The following C1orf21 variants were observed in gnomAD, a reference collection of about 807,000 sequenced individuals.
C1orf21 encodes uncharacterized protein C1orf21.
In C1orf21, 3 loss-of-function variants were observed where a neutral mutation model predicts 18.7. That is an observed-to-expected ratio of 0.16 (90% confidence interval 0.07 to 0.42). The LOEUF (loss-of-function observed/expected upper bound fraction) is 0.42, where lower values mean the gene tolerates loss of function less well. C1orf21 is among the 10% of genes least tolerant of loss of function. C1orf21 has a pLI of 0.99. For missense variants in C1orf21, 104 were observed against 143.6 expected, an observed-to-expected ratio of 0.72 and a Z score of 1.41; for synonymous variants, 41 against 46.4, an observed-to-expected ratio of 0.88 and a Z score of 0.47.
In C1orf21 at chr1:184,410,654, TATATATATA is replaced by T. The variant is rs1242675771; in HGVS notation, c.-125+23287_-125+23295del. Among the ~76,000 whole-genome samples, 66 of 7,536 alleles carry T rather than the reference TATATATATA, an allele frequency of 8.8e-3. 5 individuals are homozygous for T. Among genetic ancestry groups the T allele is most frequent in the Non-Finnish European group, 0.011 (56 of 5,252 alleles). 4.9% of individuals were successfully genotyped at this position (7,536 alleles called of 152,430 possible). A position where few individuals can be genotyped will look rare whatever the true frequency, so the allele number is the denominator to read the frequency against. On this transcript the variant is annotated intron_variant, in intron 1 of 5. Coordinates refer to ENST00000235307, the MANE Select transcript of C1orf21 (RefSeq NM_030806.4). ...ATATATATATATATATATATATATATATATATATATTTTTTTTTTTTTTTTTTGAGATGG... is the reference window on the plus strand; with the variant it reads ...ATATATATATATATATATATATATATTTTTTTTTTTTTTTTTTTGAGATGG...
intron 3 of C1orf21, among the ~76,000 whole-genome samples, chr1:184,536,617 A>G (rs1380771298): frequency 6.6e-6 from 1 of 152,182 alleles, no homozygotes; most frequent in African/African-American, 2.4e-5. Context: ...TCCGAGGACA[A>G]CTAGTAGGTG....
rs1360711297 is a variant in C1orf21, at chr1:184,387,908, G to A, written c.-125+540G>A. Among the ~76,000 whole-genome samples the A allele has an allele frequency of 6.6e-6, 1 of 152,208 alleles. No individual in the cohort carries two copies. Among genetic ancestry groups the A allele is most frequent in the African/African-American group, 2.4e-5 (1 of 41,450 alleles). On this transcript the variant is annotated intron_variant, in intron 1 of 5. Coordinates refer to ENST00000235307, the MANE Select transcript of C1orf21 (RefSeq NM_030806.4). This position sits in a 1 kb window ranked among gnomAD's most constrained non-coding sequence, Gnocchi z 5.6. ...TGACCCCCGGGATTTCTGAAGTTTT[G>A]ACCTTTTTGGGGTGGCTCGTTTCGT...
intron 3 of C1orf21, among the ~76,000 whole-genome samples, chr1:184,584,566 A>T (rs1659327721): frequency 6.6e-6 from 1 of 152,218 alleles, no homozygotes; most frequent in African/African-American, 2.4e-5. Flanking sequence ...TTCTACTCCT[A>T]GGAATCTACC....
chr1:184,559,613 C>CCTT (rs1428817792), intron 3 of C1orf21, among the ~76,000 whole-genome samples: 66 of 101,584 alleles, frequency 6.5e-4, no homozygotes, highest in East Asian at 1.8e-3. Flanking sequence ...CTTCCTTCCT[C>CCTT]CCTCCCTCCC....
chr1:184,465,168 T>C (rs1342163142), intron 1 of C1orf21, among the ~76,000 whole-genome samples: 1 of 152,206 alleles, frequency 6.6e-6, no homozygotes, highest in African/African-American at 2.4e-5. Context: ...CATTAGTTAA[T>C]CATGGAGGAT....
chr1:184,513,711 A>G (rs1658185025), intron 3 of C1orf21, among the ~76,000 whole-genome samples: 1 of 152,246 alleles, frequency 6.6e-6, no homozygotes, highest in African/African-American at 2.4e-5. Flanking sequence ...TGCCATTGTA[A>G]TTATGTAATT....
intron 2 of C1orf21, among the ~76,000 whole-genome samples, chr1:184,483,670 A>C (rs973261431): frequency 6.6e-6 from 1 of 152,236 alleles, no homozygotes; most frequent in East Asian, 1.9e-4. Flanking sequence ...CAGTGTCCTC[A>C]GGAGGAATCT....
chr1:184,396,568 T>C (rs1343986595), intron 1 of C1orf21, among the ~76,000 whole-genome samples: 3 of 152,186 alleles, frequency 2.0e-5, no homozygotes, highest in Non-Finnish European at 4.4e-5. Flanking sequence ...GTGTGTATGC[T>C]CTCTTAGAAG....
intron 1 of C1orf21, among the ~76,000 whole-genome samples, chr1:184,421,223 C>A (rs1183376549): frequency 6.6e-6 from 1 of 152,100 alleles, no homozygotes; most frequent in Non-Finnish European, 1.5e-5. Context: ...AACTCCTGAG[C>A]TCAAGGGCCT....
intron 2 of C1orf21, among the ~76,000 whole-genome samples, chr1:184,482,506 G>C (rs1657673411): frequency 1.3e-5 from 2 of 152,146 alleles, no homozygotes; most frequent in Non-Finnish European, 2.9e-5. Context: ...CATTGCAAGA[G>C]GAAATTATGA....
At chr1:184,531,863 T>G (rs889872279) in intron 3 of C1orf21, among the ~76,000 whole-genome samples, 7 of 152,172 alleles carry the variant, frequency 4.6e-5, no homozygotes, top group Admixed American at 3.9e-4. Flanking sequence ...ATGAGACATT[T>G]TTATCTTGGC....
At chr1:184,457,207 T>C (rs190498881) in intron 1 of C1orf21, among the ~76,000 whole-genome samples, 1 of 152,332 alleles carries the variant, frequency 6.6e-6, no homozygotes, top group Admixed American at 6.5e-5. Context: ...GTTGAGGACA[T>C]AGAAGTGACT....
chr1:184,595,378 CAGAA>C (rs779436446), intron 4 of C1orf21, among the ~76,000 whole-genome samples: 2 of 152,150 alleles, frequency 1.3e-5, no homozygotes, highest in African/African-American at 2.4e-5. Flanking sequence ...AATTGTGCAT[CAGAA>C]AGGATTTTAG....
chr1:184,481,717 T>G (rs1482287032), intron 2 of C1orf21, among the ~76,000 whole-genome samples: 2 of 152,216 alleles, frequency 1.3e-5, no homozygotes, highest in South Asian at 2.1e-4. Flanking sequence ...ATCATTTTGT[T>G]AATCTCTCTA....
At chr1:184,411,668 C>T (rs1282077518) in intron 1 of C1orf21, among the ~76,000 whole-genome samples, 5 of 152,120 alleles carry the variant, frequency 3.3e-5, no homozygotes, top group African/African-American at 9.7e-5. Flanking sequence ...GTGATCCGCC[C>T]GCCTTGGCCT....
chr1:184,534,091 A>G (rs1361248919), intron 3 of C1orf21, among the ~76,000 whole-genome samples: 1 of 152,170 alleles, frequency 6.6e-6, no homozygotes, highest in Non-Finnish European at 1.5e-5. Context: ...AACCACTCTG[A>G]ATAGTTTCTT....
chr1:184,397,952 T>G (rs1453367228), intron 1 of C1orf21, among the ~76,000 whole-genome samples: 1 of 152,132 alleles, frequency 6.6e-6, no homozygotes, highest in Non-Finnish European at 1.5e-5. Flanking sequence ...AGAAGCAGTG[T>G]CATTAAAGGT....
intron 4 of C1orf21, among the ~76,000 whole-genome samples, chr1:184,595,196 TGCAG>T (rs959955990): frequency 2.0e-4 from 31 of 152,358 alleles, no homozygotes; most frequent in Middle Eastern, 6.8e-3. Flanking sequence ...GGTACCAATG[TGCAG>T]GCTTTTGTAA....
chr1:184,425,673 C>T (rs915651127), intron 1 of C1orf21, among the ~76,000 whole-genome samples: 13 of 152,186 alleles, frequency 8.5e-5, no homozygotes, highest in African/African-American at 3.1e-4. Flanking sequence ...GCCAGGAATG[C>T]TGCCCTTTCC....
Sources: allele counts gnomAD v4.1 joint callset (sites outside exome capture counted in the v4.1 genomes callset), GRCh38; gene constraint gnomAD v4.1.1; non-coding constraint Gnocchi (gnomAD v3.1); transcripts MANE v1.5; gene names NCBI Gene and HGNC (gene_info 2026-07-23, HGNC 2026-07-21).